Variants in KIF16B observed in about 807,000 individuals in gnomAD.
KIF16B encodes kinesin family member 16B.
Under a neutral mutation model 156.3 loss-of-function variants are expected in KIF16B, and 98 were observed. The ratio of observed to expected loss-of-function variants is 0.63; its 90% CI spans 0.53 to 0.74. The LOEUF is 0.74. Ranked by LOEUF, KIF16B falls within the 30% of genes least tolerant of loss-of-function variation. The pLI is 0.00. For missense variants in KIF16B, 1,421 were observed against 1,606.5 expected, an observed-to-expected ratio of 0.88 and a Z score of 1.97; for synonymous variants, 564 against 583.7, an observed-to-expected ratio of 0.97 and a Z score of 0.49.
intron 22 of KIF16B, chr20:16,368,229 T>C: frequency 9.9e-7 from 1 of 1,008,272 alleles, no homozygotes; most frequent in Non-Finnish European, 1.2e-6. Flanking sequence ...TTCTAGCATC[T>C]TCATATTCAA....
At chr20:16,428,283 C>G (rs1271953425) in intron 14 of KIF16B, among the ~76,000 whole-genome samples, 1 of 152,126 alleles carries the variant, frequency 6.6e-6, no homozygotes, top group Non-Finnish European at 1.5e-5. Context: ...ACTTGGCAAG[C>G]AGGTTCATTG....
chr20:16,389,469 G>A (rs574673832), intron 17 of KIF16B, among the ~76,000 whole-genome samples: 1 of 152,238 alleles, frequency 6.6e-6, no homozygotes, highest in East Asian at 1.9e-4. Context: ...CTCAATGGAC[G>A]GTGTTTCACC....
chr20:16,472,462 C>T (rs984241351), intron 12 of KIF16B, among the ~76,000 whole-genome samples: 2 of 150,728 alleles, frequency 1.3e-5, no homozygotes, highest in South Asian at 4.2e-4. Context: ...AACTGCCAAG[C>T]TACACTGGGT....
intron 1 of KIF16B, among the ~76,000 whole-genome samples, chr20:16,539,326 G>A (rs1485139503): frequency 3.3e-5 from 5 of 152,224 alleles, no homozygotes; most frequent in Non-Finnish European, 5.9e-5. Context: ...CAAACAGTGA[G>A]AGCCAGGCTG....
At position 16,348,895 on chromosome 20, in the gene KIF16B, G is replaced by A. The variant is rs1056233218; in HGVS notation, c.3621+7435C>T. Among the ~76,000 whole-genome samples, 4 of 152,186 alleles carry A rather than the reference G, an allele frequency of 2.6e-5. No individual in the cohort carries two copies. The South Asian group carries it at 6.2e-4, about 24-fold the overall frequency. On this transcript the variant is annotated intron_variant, in intron 23 of 25. Transcript: ENST00000354981. ...ACAGATGAGAATGTTACTTAGGGAC[G>A]GAAAGGGAGGGAAATGCTGCCTCAT...
At chr20:16,565,057 T>C (rs765661674) in intron 1 of KIF16B, among the ~76,000 whole-genome samples, 7 of 152,216 alleles carry the variant, frequency 4.6e-5, no homozygotes, top group Non-Finnish European at 8.8e-5. Context: ...ATAGTGAGTA[T>C]AAAAGATAAT....
intron 6 of KIF16B, among the ~76,000 whole-genome samples, chr20:16,510,301 T>C (rs1175713431): frequency 6.6e-6 from 1 of 152,186 alleles, no homozygotes; most frequent in African/African-American, 2.4e-5. Context: ...AACTACATAC[T>C]GGCACACCCT....
At chr20:16,364,380 T>C (rs908703667) in intron 22 of KIF16B, among the ~76,000 whole-genome samples, 1 of 152,240 alleles carries the variant, frequency 6.6e-6, no homozygotes, top group African/African-American at 2.4e-5. Flanking sequence ...ATTATAACAA[T>C]GCAGAATGCC....
At chr20:16,423,965 A>G (rs1333308672) in intron 15 of KIF16B, among the ~76,000 whole-genome samples, 3 of 152,146 alleles carry the variant, frequency 2.0e-5, no homozygotes, top group Admixed American at 2.0e-4. Flanking sequence ...GTGACCTCTC[A>G]TCTGCCAACC....
chr20:16,518,513 G>A (rs566169276), intron 3 of KIF16B, among the ~76,000 whole-genome samples: 3 of 152,090 alleles, frequency 2.0e-5, no homozygotes, highest in East Asian at 1.9e-4. Context: ...ATAAAAACTC[G>A]CTCATCGGGC....
Position 16,367,695 on chromosome 20 carries a change from C to T in KIF16B, c.3498+2891G>A, listed in dbSNP as rs116008328. 9.4e-5 allele frequency: 151 copies of T among 1,612,430 alleles called. 2 individuals carry two copies. The African/African-American group carries it at 1.7e-3, about 19-fold the overall frequency. ...TGGATGACACCTGAACTCCATTTGG[C>T]AAAACTAAATCAGGGATTTCTGTTT... On this transcript the variant is annotated intron_variant, in intron 22 of 25. Coordinates refer to ENST00000354981, the MANE Select transcript of KIF16B (RefSeq NM_024704.5).
chr20:16,539,171 C>A (rs1000363686), intron 1 of KIF16B, among the ~76,000 whole-genome samples: 4 of 151,988 alleles, frequency 2.6e-5, no homozygotes, highest in Non-Finnish European at 5.9e-5. Context: ...TATAGAGATA[C>A]CTGAAAAGAT....
At chr20:16,485,448 G>A (rs747198110) in intron 12 of KIF16B, among the ~76,000 whole-genome samples, 1 of 152,178 alleles carries the variant, frequency 6.6e-6, no homozygotes, top group African/African-American at 2.4e-5. Context: ...AAGAGCTACT[G>A]CACAAGACAC....
intron 12 of KIF16B, among the ~76,000 whole-genome samples, chr20:16,435,484 G>A (rs1442957682): frequency 1.3e-5 from 2 of 152,164 alleles, no homozygotes; most frequent in African/African-American, 2.4e-5. Flanking sequence ...GCTTAATTAG[G>A]ATAGATCTCA....
intron 17 of KIF16B, among the ~76,000 whole-genome samples, chr20:16,394,087 C>G (rs1428279439): frequency 6.6e-6 from 1 of 152,150 alleles, no homozygotes; most frequent in East Asian, 1.9e-4. Flanking sequence ...CTACTTTCTC[C>G]CACCATTGCC....
intron 18 of KIF16B, 27 bp from the exon 19 acceptor site, chr20:16,380,190 T>C (rs1390739804): frequency 2.0e-6 from 3 of 1,471,954 alleles, no homozygotes; most frequent in African/African-American, 1.4e-5. Context: ...TGACTGGTTG[T>C]TATCTGGTCA....
intron 24 of KIF16B, among the ~76,000 whole-genome samples, chr20:16,315,511 T>A (rs937311915): frequency 2.6e-5 from 4 of 151,904 alleles, no homozygotes; most frequent in Non-Finnish European, 4.4e-5. Context: ...GGATCTAGGG[T>A]AAAGATGAAA....
chr20:16,382,156 A>T (rs370103715), intron 17 of KIF16B: 197 of 1,316,378 alleles, frequency 1.5e-4, no homozygotes, highest in Non-Finnish European at 1.9e-4. Flanking sequence ...AGAGAGAGAG[A>T]GAAAGAGAGA....
chr20:16,459,303 T>C (rs2067286847), intron 12 of KIF16B, among the ~76,000 whole-genome samples: 1 of 152,208 alleles, frequency 6.6e-6, no homozygotes, highest in African/African-American at 2.4e-5. Flanking sequence ...ACAGAAACTA[T>C]ACATTAATAT....
Sources: allele counts gnomAD v4.1 joint callset (sites outside exome capture counted in the v4.1 genomes callset), GRCh38; gene constraint gnomAD v4.1.1; transcripts MANE v1.5; gene names NCBI Gene and HGNC (gene_info 2026-07-23, HGNC 2026-07-21).